TRPC6: variants seen among roughly 807,000 people sequenced by gnomAD.
TRPC6 encodes short transient receptor potential channel 6.
In TRPC6, 55 loss-of-function variants were observed where a neutral mutation model predicts 90.7. That is an observed-to-expected ratio of 0.61 (90% CI 0.49 to 0.76). TRPC6 has a LOEUF of 0.76. Among genes scored for constraint, TRPC6 ranks in the 30% least tolerant of loss-of-function variants. TRPC6 has a pLI of 0.00. For synonymous variants in TRPC6, 393 were observed against 393.0 expected (o/e 1.00, Z 0.00); for missense variants, 989 against 1,122.7 (o/e 0.88, Z 1.70).
chr11:101,469,531 A>G, intron 9 of TRPC6, 30 bp from the exon 10 acceptor site: 1 of 730,462 alleles, frequency 1.4e-6, no homozygotes, highest in Non-Finnish European at 2.6e-6. Context: ...AAATGAGTAT[A>G]ACTGCATAAC....
chr11:101,583,329 C>G lies in TRPC6; in HGVS notation c.170+5G>C, dbSNP rs1862243628. 1.9e-6 allele frequency: 3 copies of G among 1,581,174 alleles called. No homozygotes were observed. The highest frequency in any genetic ancestry group is 1.7e-6 in the Non-Finnish European group (2 of 1,164,270). ...CCCGATCCGCCCCGCGTCGCCGGCA[C>G]TCACAAGCAGGGGTAGTAGCCGTAG... On this transcript the variant is annotated splice_donor_5th_base_variant and intron_variant, in intron 1 of 12. Transcript: ENST00000344327.
Position 101,476,378 on chromosome 11 carries a change from C to T in TRPC6, c.1667G>A (p.Ser556Asn). Residue 556 changes from serine (S) to asparagine (N), a missense_variant, in exon 6 of 13, where the codon AGC becomes AAC. Around this residue, in one of 4 missense-constraint regions of TRPC6, gnomAD observed 486 missense variants for 591.9 expected, o/e 0.82. Transcript: ENST00000344327. ...MAFWHASKAQSIIDANDTLKD... is the reference protein window; with the variant it reads ...MAFWHASKAQNIIDANDTLKD... The stretch of plus-strand genomic sequence containing the variant: ...CAAAGTATCATTTGCGTCAATGATG[C>T]TCTGGGCTTTGGAAGCATGCCAAAA... 6.2e-7 allele frequency: 1 copy of T among 1,614,062 alleles called. No homozygotes were observed. Among genetic ancestry groups the T allele is most frequent in the Non-Finnish European group, 8.5e-7 (1 of 1,179,988 alleles).
chr11:101,530,123 C>T (rs941490534), intron 1 of TRPC6, among the ~76,000 whole-genome samples: 1 of 152,144 alleles, frequency 6.6e-6, no homozygotes, highest in African/African-American at 2.4e-5. Context: ...ATCATGCCTG[C>T]CCAGAGACCT....
intron 1 of TRPC6, among the ~76,000 whole-genome samples, chr11:101,554,684 GA>G (rs1179199470): frequency 6.6e-6 from 1 of 151,906 alleles, no homozygotes; most frequent in Non-Finnish European, 1.5e-5. Context: ...AAAAAGTGAG[GA>G]AAAAATTTTA....
chr11:101,545,424 C>A (rs1861280441), intron 1 of TRPC6, among the ~76,000 whole-genome samples: 1 of 152,100 alleles, frequency 6.6e-6, no homozygotes, highest in Admixed American at 6.6e-5. Flanking sequence ...GAGTGGGGAA[C>A]CCAAAACCAA....
In TRPC6 at chr11:101,504,099, A is replaced by G; in HGVS notation, c.870T>C (p.Ser290=). The change falls in exon 2 of 13, where the codon AGT becomes AGC. Residue 290 remains serine, a synonymous_variant. Transcript: ENST00000344327. The part of the protein sequence containing the change: ...LASPAYLSLS[S]EDPVMTALEL... ...CTAAAGCCGTCATGACTGGATCTTCACTAGACAATGACAGGTAAGCCGGAC... is the reference window on the plus strand; with the variant it reads ...CTAAAGCCGTCATGACTGGATCTTCGCTAGACAATGACAGGTAAGCCGGAC... The G allele has an allele frequency of 6.2e-7, 1 of 1,614,072 alleles. No homozygotes were observed. The highest frequency in any genetic ancestry group is 8.5e-7 in the Non-Finnish European group (1 of 1,179,954).
Position 101,583,425 on chromosome 11 carries a change from C to T in TRPC6, c.79G>A (p.Glu27Lys), listed in dbSNP as rs1439312680. The change falls in exon 1 of 13, where the codon GAG (glutamate) becomes AAG (lysine). Residue 27 changes from glutamate (E) to lysine (K), a missense_variant. Physicochemically the swap from Glu to Lys is moderately conservative, Grantham distance 56. Transcript: ENST00000344327. The part of the protein sequence containing the change: ...GAAGAAARRN[E>K]SQDYLLMDSE... ...TCCATGAGCAGATAGTCCTGGCTCT[C>T]GTTGCGCCGCGCAGCGGCTCCGGCA... 6.4e-7 allele frequency: 1 copy of T among 1,560,290 alleles called. No homozygotes were observed. The highest frequency in any genetic ancestry group is 1.2e-5 in the South Asian group (1 of 84,854).
intron 1 of TRPC6, among the ~76,000 whole-genome samples, chr11:101,509,327 G>A (rs2136754074): frequency 6.6e-6 from 1 of 151,760 alleles, no homozygotes; most frequent in South Asian, 2.1e-4. Flanking sequence ...TCAAACTCGT[G>A]GGCTCAAGTA....
rs75053819 is a variant in TRPC6, at chr11:101,456,174, C to G, written c.2485-1073G>C. Among the ~76,000 whole-genome samples, 486 of 152,160 alleles carry G rather than the reference C, an allele frequency of 3.2e-3. 2 individuals are homozygous for G. Among genetic ancestry groups the G allele is most frequent in the Admixed American group, 5.8e-3 (88 of 15,272 alleles). On this transcript the variant is annotated intron_variant, in intron 10 of 12. Coordinates refer to ENST00000344327, the MANE Select transcript of TRPC6 (RefSeq NM_004621.6). ...AGAGAGGCAGTTTAGGTTCCCAAAA[C>G]GAGCACTTGAAGGGAACCTCAAGGA...
chr11:101,538,419 T>A (rs780567853), intron 1 of TRPC6, among the ~76,000 whole-genome samples: 1 of 152,204 alleles, frequency 6.6e-6, no homozygotes, highest in African/African-American at 2.4e-5. Flanking sequence ...CAGTTTTGCT[T>A]CCCAAGACTT....
At chr11:101,559,898 C>T (rs1185665018) in intron 1 of TRPC6, among the ~76,000 whole-genome samples, 1 of 148,272 alleles carries the variant, frequency 6.7e-6, no homozygotes, top group Non-Finnish European at 1.5e-5. Flanking sequence ...GGTTTTTTGT[C>T]CTTGCGATAG....
At chr11:101,551,205 T>C (rs749803784) in intron 1 of TRPC6, among the ~76,000 whole-genome samples, 28 of 151,964 alleles carry the variant, frequency 1.8e-4, no homozygotes, top group Admixed American at 1.7e-3. Flanking sequence ...TTCCTGGAAA[T>C]GAGTATTTAA....
intron 1 of TRPC6, among the ~76,000 whole-genome samples, chr11:101,568,554 A>G (rs1398858060): frequency 1.3e-5 from 2 of 152,222 alleles, no homozygotes; most frequent in Non-Finnish European, 2.9e-5. Flanking sequence ...ACCAAGACAC[A>G]TAATCGTCAG....
intron 6 of TRPC6, among the ~76,000 whole-genome samples, chr11:101,474,143 ACT>A (rs1363850460): frequency 1.3e-5 from 2 of 152,054 alleles, no homozygotes; most frequent in Non-Finnish European, 2.9e-5. Flanking sequence ...ATCCCTTCTA[ACT>A]CTCTTGTCTT....
At chr11:101,526,153 T>A (rs1384127420) in intron 1 of TRPC6, among the ~76,000 whole-genome samples, 1 of 152,190 alleles carries the variant, frequency 6.6e-6, no homozygotes, top group Non-Finnish European at 1.5e-5. Flanking sequence ...AGGGTATAAA[T>A]ATGAATCTCT....
chr11:101,477,827 T>C (rs1859450075), intron 5 of TRPC6, among the ~76,000 whole-genome samples: 1 of 152,218 alleles, frequency 6.6e-6, no homozygotes, highest in Non-Finnish European at 1.5e-5. Context: ...ATTGAGTGCT[T>C]ACTATTTAAA....
chr11:101,512,666 T>C (rs1565224903), intron 1 of TRPC6, among the ~76,000 whole-genome samples: 2 of 152,300 alleles, frequency 1.3e-5, no homozygotes, highest in African/African-American at 2.4e-5. Flanking sequence ...AACTGAGTCC[T>C]TGGGGATCTG....
intron 1 of TRPC6, among the ~76,000 whole-genome samples, chr11:101,555,841 G>A (rs1346542082): frequency 6.6e-6 from 1 of 151,834 alleles, no homozygotes; most frequent in African/African-American, 2.4e-5. Flanking sequence ...CTTCAAGACA[G>A]ATCACTTGTT....
intron 1 of TRPC6, among the ~76,000 whole-genome samples, chr11:101,569,613 T>G (rs1043564534): frequency 6.6e-6 from 1 of 152,140 alleles, no homozygotes; most frequent in African/African-American, 2.4e-5. Flanking sequence ...GCCACATAAT[T>G]GGAAGTAAAA....
Sources: allele counts gnomAD v4.1 joint callset (sites outside exome capture counted in the v4.1 genomes callset), GRCh38; gene constraint gnomAD v4.1.1; regional missense constraint gnomAD v4.1.1; transcripts MANE v1.5; gene names NCBI Gene and HGNC (gene_info 2026-07-23, HGNC 2026-07-21).